LPAR1: variants seen among roughly 807,000 people sequenced by gnomAD.
The protein encoded by LPAR1 is lysophosphatidic acid receptor 1.
Under a neutral mutation model 23.8 loss-of-function variants are expected in LPAR1, and 5 were observed. The ratio of observed to expected loss-of-function variants is 0.21; its 90% CI spans 0.11 to 0.44. LPAR1 has a LOEUF of 0.44. LPAR1 is among the 20% of genes least tolerant of loss of function. The pLI, the probability that LPAR1 is intolerant of heterozygous loss-of-function variation, is 0.99. For synonymous variants in LPAR1, 160 were observed against 164.7 expected, an observed-to-expected ratio of 0.97 and a Z score of 0.22; for missense variants, 311 against 482.8, an observed-to-expected ratio of 0.64 and a Z score of 3.33.
intron 4 of LPAR1, among the ~76,000 whole-genome samples, chr9:110,951,844 A>T (rs1380216527): frequency 6.6e-6 from 1 of 152,236 alleles, no homozygotes; most frequent in Non-Finnish European, 1.5e-5. Context: ...TATCAAAAGC[A>T]ACACAAATAT....
chr9:110,916,018 T>C (rs1413271800), intron 5 of LPAR1, among the ~76,000 whole-genome samples: 7 of 152,000 alleles, frequency 4.6e-5, no homozygotes, highest in Admixed American at 3.3e-4. Context: ...ATGGTTAAAA[T>C]GTTAGATGTT....
intron 5 of LPAR1, among the ~76,000 whole-genome samples, chr9:110,925,805 A>G (rs144414313): frequency 2.6e-5 from 4 of 152,344 alleles, no homozygotes; most frequent in African/African-American, 9.6e-5. Flanking sequence ...TTTCTCAACA[A>G]TCTCCTCATT....
At chr9:111,003,745 C>T (rs548086565) in intron 2 of LPAR1, among the ~76,000 whole-genome samples, 1 of 152,204 alleles carries the variant, frequency 6.6e-6, no homozygotes, top group South Asian at 2.1e-4. Flanking sequence ...ACCATGAAAA[C>T]CAAACCATTC....
intron 5 of LPAR1, among the ~76,000 whole-genome samples, chr9:110,897,657 A>G (rs946601003): frequency 6.6e-6 from 1 of 152,224 alleles, no homozygotes; most frequent in Non-Finnish European, 1.5e-5. Flanking sequence ...TTCAAATCAT[A>G]GCATCCTTAC....
Position 110,875,221 on chromosome 9 carries a change from T to G in LPAR1, c.*200A>C. 1 of 496,404 alleles carries G rather than the reference T, an allele frequency of 2.0e-6. No homozygotes were observed. The highest frequency in any genetic ancestry group is 3.5e-6 in the Non-Finnish European group (1 of 281,742). 30.7% of individuals were successfully genotyped at this position (496,404 alleles called of 1,614,324 possible). ...CTTTCAGAAGGGATGGGGATCAAGA[T>G]GAGGGTTGTCACATAAGCTAATTTT... is the stretch of plus-strand genomic sequence containing the variant. On this transcript the variant is annotated 3_prime_UTR_variant, in exon 6 of 6. Coordinates refer to ENST00000683809, the MANE Select transcript of LPAR1 (RefSeq NM_001351411.2).
chr9:110,932,881 A>G (rs542506376), intron 5 of LPAR1, among the ~76,000 whole-genome samples: 1 of 152,296 alleles, frequency 6.6e-6, no homozygotes, highest in South Asian at 2.1e-4. Context: ...TGGGGCCAAA[A>G]AGGTTGGGGA....
At position 110,901,372 on chromosome 9, in the gene LPAR1, A is replaced by G. The variant is rs746158793; in HGVS notation, c.794-25650T>C. ...AACTTCAGCTCATTGAAGCCCATAG[A>G]GGCAGCATGTATTAGTCTGTTCTCA... is the stretch of plus-strand genomic sequence containing the variant. On this transcript the variant is annotated intron_variant, in intron 5 of 5. Coordinates refer to ENST00000683809, the MANE Select transcript of LPAR1 (RefSeq NM_001351411.2). Among the ~76,000 whole-genome samples, 6 of 152,184 alleles carry G rather than the reference A, an allele frequency of 3.9e-5. 1 individual carries two copies. The highest frequency in any genetic ancestry group is 4.1e-4 in the South Asian group (2 of 4,836).
intron 2 of LPAR1, among the ~76,000 whole-genome samples, chr9:110,996,707 C>T (rs1000985965): frequency 3.3e-5 from 5 of 152,146 alleles, no homozygotes; most frequent in African/African-American, 1.2e-4. Flanking sequence ...TACAGTAATA[C>T]AGTGCTGGGG....
chr9:110,981,515 G>A (rs2096665966), intron 2 of LPAR1, among the ~76,000 whole-genome samples: 1 of 140,442 alleles, frequency 7.1e-6, no homozygotes, highest in South Asian at 2.1e-4. Context: ...AGCTAACATT[G>A]TTTGCCAAAT....
intron 4 of LPAR1, among the ~76,000 whole-genome samples, chr9:110,957,017 G>A (rs1233934053): frequency 6.6e-6 from 1 of 152,074 alleles, no homozygotes; most frequent in Non-Finnish European, 1.5e-5. Context: ...GATGAACATA[G>A]ATGGAAAAAA....
chr9:110,943,343 C>T (rs1389581778), intron 4 of LPAR1, among the ~76,000 whole-genome samples: 1 of 151,782 alleles, frequency 6.6e-6, no homozygotes, highest in East Asian at 1.9e-4. Flanking sequence ...ACATATGACA[C>T]TTTTAACCAC....
At chr9:111,033,665 C>T (rs990860988) in intron 2 of LPAR1, among the ~76,000 whole-genome samples, 20 of 152,180 alleles carry the variant, frequency 1.3e-4, no homozygotes, top group Non-Finnish European at 4.4e-5. Context: ...GATTCTTCTG[C>T]CTCAGCCTCC....
intron 5 of LPAR1, among the ~76,000 whole-genome samples, chr9:110,902,425 A>T (rs1476099600): frequency 6.6e-6 from 1 of 152,020 alleles, no homozygotes; most frequent in Non-Finnish European, 1.5e-5. Context: ...ATGGGTTTAT[A>T]AGGGGCTTTT....
chr9:110,935,427 A>AT (rs1372612025), intron 5 of LPAR1, among the ~76,000 whole-genome samples: 3 of 148,488 alleles, frequency 2.0e-5, no homozygotes, highest in Non-Finnish European at 4.5e-5. Context: ...AAAAAAAAAA[A>AT]GCCAATTATA....
chr9:111,007,803 A>AGT (rs757971592), intron 2 of LPAR1, among the ~76,000 whole-genome samples: 7,295 of 152,282 alleles, frequency 0.048, 237 homozygotes, highest in South Asian at 0.059. Flanking sequence ...AATCTGTGCT[A>AGT]ACATACCTAT....
chr9:110,939,189 C>T (rs2094927856), intron 5 of LPAR1, among the ~76,000 whole-genome samples: 1 of 152,166 alleles, frequency 6.6e-6, no homozygotes, highest in Non-Finnish European at 1.5e-5. Context: ...GGGGAGCATA[C>T]TGTAGGAATG....
At chr9:111,001,986 C>A (rs1218350799) in intron 2 of LPAR1, among the ~76,000 whole-genome samples, 2 of 151,996 alleles carry the variant, frequency 1.3e-5, no homozygotes, top group Admixed American at 6.6e-5. Flanking sequence ...TAATAAATAC[C>A]CTGGATAGGA....
At chr9:110,886,012 A>G (rs1251578989) in intron 5 of LPAR1, among the ~76,000 whole-genome samples, 2 of 152,014 alleles carry the variant, frequency 1.3e-5, no homozygotes, top group Non-Finnish European at 2.9e-5. Flanking sequence ...AGCCTGACCA[A>G]CATGGTATTA....
intron 5 of LPAR1, among the ~76,000 whole-genome samples, chr9:110,901,729 T>C (rs575591695): frequency 9.4e-4 from 137 of 146,300 alleles, no homozygotes; most frequent in Non-Finnish European, 1.7e-3. Flanking sequence ...AGCCAAACCA[T>C]ATCACAGCAT....
Sources: allele counts gnomAD v4.1 joint callset (sites outside exome capture counted in the v4.1 genomes callset), GRCh38; gene constraint gnomAD v4.1.1; transcripts MANE v1.5; gene names NCBI Gene and HGNC (gene_info 2026-07-23, HGNC 2026-07-21).